Variants in ADAMTS14 observed in about 807,000 individuals in gnomAD.
ADAMTS14 encodes ADAM metallopeptidase with thrombospondin type 1 motif 14.
ADAMTS14 carries 100 observed loss-of-function variants against 128.6 expected under a neutral mutation model. The ratio of observed to expected loss-of-function variants is 0.78; its 90% confidence interval spans 0.66 to 0.92. The LOEUF is 0.92. Among genes scored for constraint, ADAMTS14 ranks in the 40% least tolerant of loss-of-function variants. ADAMTS14 has a pLI of 0.00. For missense variants in ADAMTS14, 1,562 were observed against 1,658.6 expected (o/e 0.94, Z 1.01); for synonymous variants, 665 against 653.8 (o/e 1.02, Z -0.26).
At chr10:70,706,491 C>A (rs1840672125) in intron 3 of ADAMTS14, among the ~76,000 whole-genome samples, 1 of 152,226 alleles carries the variant, frequency 6.6e-6, no homozygotes, top group East Asian at 1.9e-4. Context: ...CCTTCCCCTC[C>A]CCTGCTGGGG....
intron 3 of ADAMTS14, among the ~76,000 whole-genome samples, chr10:70,703,973 G>A (rs994860468): frequency 1.3e-5 from 2 of 152,244 alleles, no homozygotes; most frequent in African/African-American, 2.4e-5. Flanking sequence ...TCGTGGGGCT[G>A]AGCCCAGTGT....
At position 70,744,071 on chromosome 10, in the gene ADAMTS14, C is replaced by G. The variant is rs553171977; in HGVS notation, c.2064C>G (p.Val688=). The change falls in exon 14 of 22, where the codon GTC becomes GTG. Residue 688 remains valine, a synonymous_variant. Transcript: ENST00000373207. ...GACCTCACCTCTGGCCTCAGCCTGT[C>G]GGCTGTGACAAGGAGGTGGGGTCCA... The part of the protein sequence containing the change: ...SVCARGECVP[V]GCDKEVGSMK... 1.3e-5 allele frequency: 20 copies of G among 1,562,564 alleles called. 1 individual carries two copies. Among genetic ancestry groups the G allele is most frequent in the Non-Finnish European group, 1.6e-5 (19 of 1,153,610 alleles).
intron 12 of ADAMTS14, among the ~76,000 whole-genome samples, chr10:70,743,011 G>A (rs1589326604): frequency 6.6e-6 from 1 of 152,268 alleles, no homozygotes; most frequent in Non-Finnish European, 1.5e-5. Context: ...GGTCAGAGCA[G>A]GACTCAGGCA....
Position 70,674,670 on chromosome 10 carries a change from G to A in ADAMTS14, c.197G>A (p.Gly66Glu). 1 of 1,613,588 alleles carries A rather than the reference G, an allele frequency of 6.2e-7. No individual in the cohort carries two copies. The highest frequency in any genetic ancestry group is 8.5e-7 in the Non-Finnish European group (1 of 1,180,030). ...TCTGGCCCAGCAGCAGCCTCTGCAGGGAGCATGGTAGTGGACACGCCACCC... is the reference window on the plus strand; with the variant it reads ...TCTGGCCCAGCAGCAGCCTCTGCAGAGAGCATGGTAGTGGACACGCCACCC... ...VVSGPAAASA[G>E]SMVVDTPPTL... The change falls in exon 2 of 22, where the codon GGG (glycine) becomes GAG (glutamate). Residue 66 changes from glycine to glutamate, a missense_variant. Coordinates refer to ENST00000373207, the MANE Select transcript of ADAMTS14 (RefSeq NM_080722.4).
At position 70,745,717 on chromosome 10, in the gene ADAMTS14, C is replaced by T. The variant is rs377603452; in HGVS notation, c.2263+411C>T. ...TCAAACAAGAATAATTCTTAGCTCA[C>T]GGTCCTATGGGTCATCAGTTTGGGC... On this transcript the variant is annotated intron_variant, in intron 15 of 21. Transcript: ENST00000373207. Among the ~76,000 whole-genome samples, 81 of 152,330 alleles carry T rather than the reference C, an allele frequency of 5.3e-4. 2 individuals carry two copies. In the South Asian group the frequency reaches 0.013, roughly 25 times the overall value.
In ADAMTS14 at chr10:70,736,783, C is replaced by T. The variant is rs745361607; in HGVS notation, c.1589C>T (p.Ala530Val). ...KGPPLDGTEC[A>V]PGKWCFKGHC... ...CCCCCGCTGGATGGGACTGAGTGTG[C>T]ACCCGGCAAGGTACCTGTGGGGTGT... The change falls in exon 10 of 22, where the codon GCA (alanine) becomes GTA (valine). Residue 530 changes from alanine to valine, a missense_variant. Transcript: ENST00000373207. 31 of 1,613,336 alleles carry T rather than the reference C, an allele frequency of 1.9e-5. No individual in the cohort carries two copies. In the Admixed American group the frequency reaches 2.3e-4, roughly 12 times the overall value.
chr10:70,733,164 C>A (rs1292083158), intron 7 of ADAMTS14, among the ~76,000 whole-genome samples: 1 of 152,210 alleles, frequency 6.6e-6, no homozygotes, highest in Non-Finnish European at 1.5e-5. Flanking sequence ...CCAGGGGAAC[C>A]TCTGAGGCCC....
At chr10:70,742,218 C>T (rs1239294242) in intron 12 of ADAMTS14, among the ~76,000 whole-genome samples, 1 of 152,202 alleles carries the variant, frequency 6.6e-6, no homozygotes, top group East Asian at 1.9e-4. Context: ...GCCCAGAGAG[C>T]TTCCGTTGCT....
chr10:70,683,760 G>A (rs1839880300), intron 2 of ADAMTS14, among the ~76,000 whole-genome samples: 1 of 152,224 alleles, frequency 6.6e-6, no homozygotes, highest in Non-Finnish European at 1.5e-5. Flanking sequence ...AGGGTGGGCT[G>A]GGCTGGAAGG....
At chr10:70,693,919 G>A (rs1334887065) in intron 2 of ADAMTS14, among the ~76,000 whole-genome samples, 1 of 152,244 alleles carries the variant, frequency 6.6e-6, no homozygotes, top group Non-Finnish European at 1.5e-5. Context: ...GGTATGGGGT[G>A]CCGTGCAGAT....
At chr10:70,741,897 A>G (rs1256076071) in intron 12 of ADAMTS14, among the ~76,000 whole-genome samples, 1 of 152,072 alleles carries the variant, frequency 6.6e-6, no homozygotes, top group Non-Finnish European at 1.5e-5. Flanking sequence ...GCCCTCAATG[A>G]TCCTCTGATT....
intron 10 of ADAMTS14, among the ~76,000 whole-genome samples, chr10:70,737,744 AC>A (rs1841871477): frequency 6.6e-6 from 1 of 151,574 alleles, no homozygotes. Flanking sequence ...AAAGTTCCAG[AC>A]CCTCCCCAGC....
At position 70,751,464 on chromosome 10, in the gene ADAMTS14, C is replaced by T. The variant is rs769706608; in HGVS notation, c.2428-14C>T. The T allele has an allele frequency of 1.3e-6, 2 of 1,595,756 alleles. No individual in the cohort carries two copies. Among genetic ancestry groups the T allele is most frequent in the East Asian group, 2.3e-5 (1 of 44,282 alleles). Reference sequence around the variant, plus strand: ...CTTTCTCTGGTCCTGTGCCAGCTCCCCATCTCCCCTCAGGCTCTCCCCCCA... The same window carrying T: ...CTTTCTCTGGTCCTGTGCCAGCTCCTCATCTCCCCTCAGGCTCTCCCCCCA... On this transcript the variant is annotated splice_polypyrimidine_tract_variant and intron_variant, in intron 16 of 21. Transcript: ENST00000373207.
intron 12 of ADAMTS14, among the ~76,000 whole-genome samples, chr10:70,742,563 C>CAG: frequency 6.6e-6 from 1 of 152,346 alleles, no homozygotes; most frequent in Middle Eastern, 3.4e-3. Context: ...GAGCAGAGCC[C>CAG]AAGAGTTTCC....
chr10:70,708,465 A>T (rs1840732267), intron 3 of ADAMTS14, 123 bp from the exon 4 acceptor site: 1 of 820,866 alleles, frequency 1.2e-6, no homozygotes, highest in Admixed American at 2.8e-5. Context: ...CCCTCATACT[A>T]CTTTACTTAC....
Position 70,749,963 on chromosome 10 carries a change from T to C in ADAMTS14, c.2405T>C (p.Leu802Pro). The change falls in exon 16 of 22, where the codon CTG (leucine) becomes CCG (proline). Residue 802 changes from leucine (L) to proline (P), a missense_variant. By Grantham distance (98) the Leu-to-Pro change is moderately conservative (BLOSUM62 -3). Transcript: ENST00000373207. ...GAAAGCCTCAAGACCAGCGGGCCCCTGCCTGAAGCCATTGCCATCCTGGTG... is the reference window on the plus strand; with the variant it reads ...GAAAGCCTCAAGACCAGCGGGCCCCCGCCTGAAGCCATTGCCATCCTGGTG... ...AKESLKTSGP[L>P]PEAIAILALP... The C allele has an allele frequency of 2.5e-6, 4 of 1,614,084 alleles. No homozygotes were observed. In the South Asian group the frequency reaches 4.4e-5, roughly 18 times the overall value.
intron 12 of ADAMTS14, 109 bp downstream of exon 12, chr10:70,741,271 A>T: frequency 7.4e-7 from 1 of 1,346,336 alleles, no homozygotes; most frequent in Non-Finnish European, 1.0e-6. Context: ...AGGTGGAGGG[A>T]CAGTGGGGGT....
chr10:70,688,908 C>G (rs564749653), intron 2 of ADAMTS14, among the ~76,000 whole-genome samples: 1 of 103,776 alleles, frequency 9.6e-6, no homozygotes, highest in African/African-American at 4.1e-5. Context: ...AGAGGGAGAG[C>G]CTTTGCTTTT....
At chr10:70,732,522 G>A (rs1237594827) in intron 7 of ADAMTS14, among the ~76,000 whole-genome samples, 163 bp downstream of exon 7, 1 of 152,230 alleles carries the variant, frequency 6.6e-6, no homozygotes, top group Non-Finnish European at 1.5e-5. Context: ...GCAGTTACCA[G>A]TAGAGGGAGG....
Sources: allele counts gnomAD v4.1 joint callset (sites outside exome capture counted in the v4.1 genomes callset), GRCh38; gene constraint gnomAD v4.1.1; transcripts MANE v1.5; gene names NCBI Gene and HGNC (gene_info 2026-07-23, HGNC 2026-07-21).